AMOTL1: variants seen among roughly 807,000 people sequenced by gnomAD.
AMOTL1 encodes angiomotin like 1.
Under a neutral mutation model 102.9 loss-of-function variants are expected in AMOTL1, and 45 were observed. The ratio of observed to expected loss-of-function variants is 0.44; its 90% confidence interval spans 0.34 to 0.56. The LOEUF is 0.56. Ranked by LOEUF, AMOTL1 falls within the 20% of genes least tolerant of loss-of-function variation. AMOTL1 has a pLI of 0.01. For missense variants in AMOTL1, 1,114 were observed against 1,225.6 expected, an observed-to-expected ratio of 0.91 and a Z score of 1.36; for synonymous variants, 481 against 484.7, an observed-to-expected ratio of 0.99 and a Z score of 0.10.
intron 3 of AMOTL1, among the ~76,000 whole-genome samples, chr11:94,753,528 A>C (rs181491261): frequency 1.1e-4 from 16 of 152,348 alleles, no homozygotes; most frequent in African/African-American, 3.8e-4. Context: ...TTATAACATT[A>C]TGTCAGTCAT....
At chr11:94,769,530 G>C (rs985238376) in intron 1 of AMOTL1, among the ~76,000 whole-genome samples, 3 of 152,196 alleles carry the variant, frequency 2.0e-5, no homozygotes, top group Non-Finnish European at 2.9e-5. Flanking sequence ...CCCGCGCCTC[G>C]CCCACCCTAC....
chr11:94,843,527 G>A (rs763411798), intron 6 of AMOTL1, among the ~76,000 whole-genome samples: 6 of 152,130 alleles, frequency 3.9e-5, no homozygotes, highest in Non-Finnish European at 8.8e-5. Flanking sequence ...ATTACCTTTG[G>A]TATCAACAAG....
rs1952507044 is a variant in AMOTL1 at position 94,850,267 on chromosome 11, C to T, written c.1794+8C>T. The T allele has an allele frequency of 6.3e-7, 1 of 1,589,538 alleles. No individual in the cohort carries two copies. The highest frequency in any genetic ancestry group is 1.8e-5 in the Admixed American group (1 of 56,094). ...ATCAAGCTGGAAGAGGAGGTGAGACCAGGCTGTGGGGATTTGGTGGGGAAG... is the reference window on the plus strand; with the variant it reads ...ATCAAGCTGGAAGAGGAGGTGAGACTAGGCTGTGGGGATTTGGTGGGGAAG... On this transcript the variant is annotated splice_region_variant and intron_variant, in intron 7 of 12. Coordinates refer to ENST00000433060, the MANE Select transcript of AMOTL1 (RefSeq NM_130847.3).
intron 6 of AMOTL1, among the ~76,000 whole-genome samples, chr11:94,845,216 G>A (rs1220826238): frequency 6.6e-6 from 1 of 152,204 alleles, no homozygotes; most frequent in Non-Finnish European, 1.5e-5. Flanking sequence ...TCAGCAGGGT[G>A]TCCACTTGGA....
chr11:94,707,668 G>A (rs2135423051), intron 1 of AMOTL1, among the ~76,000 whole-genome samples: 1 of 152,170 alleles, frequency 6.6e-6, no homozygotes, highest in South Asian at 2.1e-4. Flanking sequence ...CCTCAGACTA[G>A]ACCATATCCA....
chr11:94,793,022 G>GCA (rs144524456), intron 1 of AMOTL1, among the ~76,000 whole-genome samples: 4 of 151,030 alleles, frequency 2.6e-5, no homozygotes, highest in Non-Finnish European at 5.9e-5. Flanking sequence ...CACATTGAAA[G>GCA]CACACACACA....
At chr11:94,861,529 C>T (rs943567972) in intron 9 of AMOTL1, among the ~76,000 whole-genome samples, 2 of 152,154 alleles carry the variant, frequency 1.3e-5, no homozygotes, top group African/African-American at 2.4e-5. Flanking sequence ...ATGGAAAGAA[C>T]GTTGCACAGG....
intron 1 of AMOTL1, 127 bp from the exon 2 acceptor site, chr11:94,794,884 A>G: frequency 1.5e-5 from 17 of 1,111,840 alleles, no homozygotes; most frequent in Non-Finnish European, 2.0e-5. Flanking sequence ...TTATGAATCA[A>G]AAAGAAAGAG....
chr11:94,869,214 G>A lies in AMOTL1; in HGVS notation c.2505G>A (p.Lys835=). ...WKGSIGLLLG[K]EHHEHASAPL... is the part of the protein sequence containing the mutation. ...TGCCCTCAGGATTGCTGCTGGGGAA[G>A]GAGCACCATGAGCATGCCTCTGCCC... Residue 835 remains lysine, a synonymous_variant, in exon 12 of 13, where the codon AAG becomes AAA. Transcript: ENST00000433060. The A allele has an allele frequency of 1.3e-6, 2 of 1,596,398 alleles. No individual in the cohort carries two copies. Among genetic ancestry groups the A allele is most frequent in the Non-Finnish European group, 1.7e-6 (2 of 1,166,724 alleles).
At chr11:94,760,129 G>A (rs908143214) in intron 3 of AMOTL1, among the ~76,000 whole-genome samples, 3 of 152,186 alleles carry the variant, frequency 2.0e-5, no homozygotes, top group African/African-American at 7.2e-5. Flanking sequence ...GTCTTCTCCT[G>A]TTTTCAACAG....
At chr11:94,847,182 T>C (rs1952432448) in intron 6 of AMOTL1, among the ~76,000 whole-genome samples, 2 of 152,188 alleles carry the variant, frequency 1.3e-5, no homozygotes, top group African/African-American at 4.8e-5. Context: ...TCTTTGTCTG[T>C]AGTGTACACT....
chr11:94,841,429 G>A (rs1325697975), intron 6 of AMOTL1, among the ~76,000 whole-genome samples: 2 of 152,110 alleles, frequency 1.3e-5, no homozygotes, highest in Non-Finnish European at 2.9e-5. Context: ...TCCAGCCTGG[G>A]CCACAGAGCC....
intron 6 of AMOTL1, among the ~76,000 whole-genome samples, chr11:94,838,260 C>T (rs188354643): frequency 1.4e-4 from 22 of 152,318 alleles, no homozygotes; most frequent in Admixed American, 3.9e-4. Context: ...ATGTTCAGAA[C>T]CTGGCATAGT....
rs1157065719 is a variant in AMOTL1, at chr11:94,799,770, G to A, written c.580G>A (p.Ala194Thr). The change falls in exon 3 of 13, where the codon GCC (alanine) becomes ACC (threonine). Residue 194 changes from alanine (A) to threonine (T), a missense_variant. Physicochemically the swap from Ala to Thr is moderately conservative, Grantham distance 58. Transcript: ENST00000433060. The surrounding 1 kb of genome is among the most constrained non-coding windows in gnomAD (Gnocchi z 4.5). ...CGAGGAACTGCCCACTTACGAGGAG[G>A]CCAAAGCACAGTCGCAGTTCTTCAG... is the stretch of plus-strand genomic sequence containing the variant. Reference protein sequence around the residue: ...NNEELPTYEEAKAQSQFFRGQ... With the variant: ...NNEELPTYEETKAQSQFFRGQ... 1 of 1,607,492 alleles carries A rather than the reference G, an allele frequency of 6.2e-7. No individual in the cohort carries two copies. The highest frequency in any genetic ancestry group is 8.5e-7 in the Non-Finnish European group (1 of 1,176,328).
At position 94,807,711 on chromosome 11, in the gene AMOTL1, A is replaced by G. The variant is rs1000775232; in HGVS notation, c.1121+7400A>G. Among the ~76,000 whole-genome samples the G allele has an allele frequency of 7.2e-5, 11 of 152,112 alleles. No individual in the cohort carries two copies. In the South Asian group the frequency reaches 1.0e-3, roughly 14 times the overall value. On this transcript the variant is annotated intron_variant, in intron 3 of 12. Transcript: ENST00000433060. ...TTGAGAAATTTGTTAATATTTCGCT[A>G]TGGATGGCTACAAGTTATGGAAGGT...
chr11:94,767,427 GGGA>G (rs1424617255), upstream of AMOTL1, among the ~76,000 whole-genome samples: 1 of 152,138 alleles, frequency 6.6e-6, no homozygotes, highest in Admixed American at 6.5e-5. Context: ...CCACAATCCA[GGGA>G]GGAGTCCCTG....
chr11:94,754,254 G>A (rs779234714), intron 3 of AMOTL1, among the ~76,000 whole-genome samples: 2 of 152,174 alleles, frequency 1.3e-5, no homozygotes, highest in South Asian at 2.1e-4. Flanking sequence ...GAGAGGCCAG[G>A]CTGGCTTTCC....
intron 3 of AMOTL1, among the ~76,000 whole-genome samples, chr11:94,816,633 A>G (rs1170893822): frequency 2.6e-5 from 4 of 152,150 alleles, no homozygotes; most frequent in Non-Finnish European, 5.9e-5. Flanking sequence ...AATTAAAGTT[A>G]TCACATCTGT....
intron 5 of AMOTL1, 50 bp downstream of exon 5, chr11:94,830,244 G>A (rs1023552014): frequency 2.0e-6 from 3 of 1,510,808 alleles, no homozygotes; most frequent in Non-Finnish European, 1.8e-6. Context: ...GAGTTTTAGT[G>A]TAGCTAAAAG....
Sources: gnomAD v4.1 joint callset for allele counts (sites outside exome capture counted in the v4.1 genomes callset) on GRCh38, gnomAD v4.1.1 for gene constraint, Gnocchi (gnomAD v3.1) non-coding constraint, MANE v1.5 for transcripts, NCBI Gene and HGNC (gene_info 2026-07-23, HGNC 2026-07-21) for gene names.